The following ADSS2 variants were observed in gnomAD, a reference collection of about 807,000 sequenced individuals.
ADSS2 encodes adenylosuccinate synthetase isozyme 2.
Under a neutral mutation model 60.0 loss-of-function variants are expected in ADSS2, and 30 were observed. The ratio of observed to expected loss-of-function variants is 0.50; its 90% CI spans 0.37 to 0.68. ADSS2 has a LOEUF of 0.68. Among genes scored for constraint, ADSS2 ranks in the 30% least tolerant of loss-of-function variants. The pLI is 0.00. For missense variants in ADSS2, 373 were observed against 554.8 expected, an observed-to-expected ratio of 0.67 and a Z score of 3.29; for synonymous variants, 187 against 193.1, an observed-to-expected ratio of 0.97 and a Z score of 0.26.
chr1:244,417,275 G>A (rs1349951191), intron 10 of ADSS2, among the ~76,000 whole-genome samples: 5 of 152,264 alleles, frequency 3.3e-5, no homozygotes, highest in African/African-American at 9.6e-5. Flanking sequence ...CAGACATTAA[G>A]CCCATGCGCG....
At chr1:244,439,199 C>T (rs143288883) in intron 1 of ADSS2, among the ~76,000 whole-genome samples, 160 of 152,306 alleles carry the variant, frequency 1.1e-3, no homozygotes, top group Non-Finnish European at 1.8e-3. Context: ...ACCTCCAGTT[C>T]CATCCACGTT....
chr1:244,446,180 G>C (rs549132368), intron 1 of ADSS2, among the ~76,000 whole-genome samples: 1 of 152,210 alleles, frequency 6.6e-6, no homozygotes, highest in Non-Finnish European at 1.5e-5. Context: ...CTGCTTTCAG[G>C]GTAAAGATTG....
intron 9 of ADSS2, 130 bp downstream of exon 9, chr1:244,418,630 T>C: frequency 1.0e-6 from 1 of 959,648 alleles, no homozygotes; most frequent in Non-Finnish European, 1.5e-6. Context: ...CAAAATTATG[T>C]ATTTAAGAAA....
intron 12 of ADSS2, among the ~76,000 whole-genome samples, chr1:244,410,804 G>A (rs768580548): frequency 5.9e-5 from 9 of 152,272 alleles, no homozygotes; most frequent in Non-Finnish European, 8.8e-5. Flanking sequence ...GATGAGCATC[G>A]TATTTACTTT....
At chr1:244,423,812 A>G in intron 6 of ADSS2, 141 bp downstream of exon 6, 1 of 578,762 alleles carries the variant, frequency 1.7e-6, no homozygotes, top group Non-Finnish European at 3.0e-6. Context: ...ATGTAATAAA[A>G]ATAACTTTAA....
At chr1:244,421,475 T>G (rs187442801) in intron 7 of ADSS2, among the ~76,000 whole-genome samples, 2 of 152,202 alleles carry the variant, frequency 1.3e-5, no homozygotes, top group African/African-American at 4.8e-5. Context: ...TTTTTATGCC[T>G]GAAATGACCA....
At chr1:244,422,782 C>A in intron 7 of ADSS2, 53 bp downstream of exon 7, 3 of 1,372,790 alleles carry the variant, frequency 2.2e-6, no homozygotes, top group Non-Finnish European at 3.1e-6. Context: ...ATCTAGATGC[C>A]AATTTGGCAA....
intron 12 of ADSS2, among the ~76,000 whole-genome samples, 158 bp downstream of exon 12, chr1:244,411,129 G>C (rs573586964): frequency 6.6e-6 from 1 of 151,798 alleles, no homozygotes; most frequent in South Asian, 2.1e-4. Context: ...GCTGAGGTAG[G>C]AGAATAGCTT....
At chr1:244,425,152 T>C (rs1285475744) in intron 4 of ADSS2, among the ~76,000 whole-genome samples, 2 of 152,240 alleles carry the variant, frequency 1.3e-5, no homozygotes, top group Admixed American at 6.5e-5. Flanking sequence ...AGCCTACTAG[T>C]TGATTTCCGG....
chr1:244,448,603 G>A (rs1665451231), intron 1 of ADSS2, among the ~76,000 whole-genome samples: 1 of 152,146 alleles, frequency 6.6e-6, no homozygotes, highest in South Asian at 2.1e-4. Context: ...GTAAGCCTTT[G>A]CTTAAAGCCT....
chr1:244,425,880 ATATC>A (rs1337351454), intron 4 of ADSS2, among the ~76,000 whole-genome samples: 1 of 152,162 alleles, frequency 6.6e-6, no homozygotes, highest in African/African-American at 2.4e-5. Flanking sequence ...ACACCAAAAG[ATATC>A]TATCTACAAG....
At chr1:244,430,703 GA>G (rs1664920375) in intron 4 of ADSS2, among the ~76,000 whole-genome samples, 1 of 152,204 alleles carries the variant, frequency 6.6e-6, no homozygotes, top group Non-Finnish European at 1.5e-5. Context: ...AGAAGATAAA[GA>G]TGACTATTGG....
chr1:244,441,270 G>C lies in ADSS2; in HGVS notation c.184-3502C>G, dbSNP rs561549001. On this transcript the variant is annotated intron_variant, in intron 1 of 12. Transcript: ENST00000366535. ...AGACGGGGTTTCACCATGTTAGCCA[G>C]GATGGTCTCGATCTCCTGACTTTGT... Among the ~76,000 whole-genome samples the C allele has an allele frequency of 1.1e-3, 165 of 152,144 alleles. No individual in the cohort carries two copies. The Middle Eastern group carries it at 0.014, about 13-fold the overall frequency.
Position 244,418,872 on chromosome 1 carries a change from C to A in ADSS2, c.833G>T (p.Gly278Val). The change falls in exon 9 of 13, where the codon GGT (glycine) becomes GTT (valine). Residue 278 changes from glycine (G) to valine (V), a missense_variant. Physicochemically the swap from Gly to Val is moderately radical, Grantham distance 109. Around this residue, in one of 5 missense-constraint regions of ADSS2, gnomAD observed 28 missense variants for 74.4 expected, o/e 0.38. Transcript: ENST00000366535. ...TGGCATACCCAAACCAGTACAAACA[C>A]CTCCAACAGTACAATTTGAAGAGGT... ...FVTSSNCTVG[G>V]VCTGLGMPPQ... 1 of 1,613,482 alleles carries A rather than the reference C, an allele frequency of 6.2e-7. No individual in the cohort carries two copies. The highest frequency in any genetic ancestry group is 8.5e-7 in the Non-Finnish European group (1 of 1,179,692).
chr1:244,431,322 G>T (rs1023727632), intron 4 of ADSS2, among the ~76,000 whole-genome samples: 3 of 152,094 alleles, frequency 2.0e-5, no homozygotes, highest in Non-Finnish European at 2.9e-5. Flanking sequence ...TATCCAAATT[G>T]CATGTTATCA....
At chr1:244,424,466 A>G in intron 4 of ADSS2, 79 bp from the exon 5 acceptor site, 1 of 1,153,412 alleles carries the variant, frequency 8.7e-7, no homozygotes, top group South Asian at 1.3e-5. Flanking sequence ...AAATTACTGA[A>G]GTTATAAATC....
chr1:244,446,989 AG>A (rs1392400148), intron 1 of ADSS2, among the ~76,000 whole-genome samples: 1 of 152,214 alleles, frequency 6.6e-6, no homozygotes, highest in Non-Finnish European at 1.5e-5. Context: ...TTTTCAAAAA[AG>A]AATTTTGTTA....
Position 244,416,095 on chromosome 1 carries a change from A to C in ADSS2, c.1071-17T>G. 1 of 1,572,978 alleles carries C rather than the reference A, an allele frequency of 6.4e-7. No homozygotes were observed. Among genetic ancestry groups the C allele is most frequent in the Non-Finnish European group, 8.7e-7 (1 of 1,144,334 alleles). Reference sequence around the variant, plus strand: ...AGTGCCAACCTAATTTTGGAAGAAAAGGCAATGTTAAAAGAGCAGACTCTT... The same window carrying C: ...AGTGCCAACCTAATTTTGGAAGAAACGGCAATGTTAAAAGAGCAGACTCTT... On this transcript the variant is annotated splice_polypyrimidine_tract_variant and intron_variant, in intron 10 of 12. Transcript: ENST00000366535.
At chr1:244,433,859 TAAAAAAA>T (rs35132231) in intron 3 of ADSS2, among the ~76,000 whole-genome samples, 1 of 94,964 alleles carries the variant, frequency 1.1e-5, no homozygotes, top group Non-Finnish European at 2.0e-5. Flanking sequence ...ACTCCATCTT[TAAAAAAA>T]AAAAAAAAAA....
Sources: gnomAD v4.1 joint callset for allele counts (sites outside exome capture counted in the v4.1 genomes callset) on GRCh38, gnomAD v4.1.1 for gene constraint, gnomAD v4.1.1 regional missense constraint, MANE v1.5 for transcripts, NCBI Gene and HGNC (gene_info 2026-07-23, HGNC 2026-07-21) for gene names.